Variants in MACF1 observed in about 807,000 individuals in gnomAD.
MACF1 encodes microtubule actin crosslinking factor 1.
In MACF1, 193 loss-of-function variants were observed where a neutral mutation model predicts 854.8. The observed-to-expected ratio is 0.23, with a 90% CI of 0.20 to 0.25. The LOEUF is 0.25. MACF1 is among the 10% of genes least tolerant of loss of function. The probability of loss-of-function intolerance (pLI) is 1.00; values close to 1 mark genes in which losing one functional copy is unlikely to be tolerated. For synonymous variants in MACF1, 3,185 were observed against 3,226.7 expected, an observed-to-expected ratio of 0.99 and a Z score of 0.44; for missense variants, 7,722 against 8,929.1, an observed-to-expected ratio of 0.86 and a Z score of 5.45.
chr1:39,411,941 A>G lies in MACF1; in HGVS notation c.15817-10433A>G, dbSNP rs1317749756. 1.4e-5 allele frequency: 23 copies of G among 1,613,784 alleles called. No homozygotes were observed. The Admixed American group carries it at 3.7e-4, about 26-fold the overall frequency. On this transcript the variant is annotated intron_variant, in intron 58 of 100. Transcript: ENST00000564288. ...GCTGTGGAACTTATTGCCCACGTTG[A>G]TATCATGAGAGACACTTCCACTGTT...
chr1:39,485,914 T>C lies in MACF1; in HGVS notation c.*120T>C. The C allele has an allele frequency of 9.0e-7, 1 of 1,116,406 alleles. No individual in the cohort carries two copies. The highest frequency in any genetic ancestry group is 1.2e-6 in the Non-Finnish European group (1 of 859,460). 69.2% of individuals were successfully genotyped at this position (1,116,406 alleles called of 1,614,324 possible). ...AAAGTGTAAAAGAATAATTGTGTTATGAAGCTGCCTTATTTTTTTTCTTTT... is the reference window on the plus strand; with the variant it reads ...AAAGTGTAAAAGAATAATTGTGTTACGAAGCTGCCTTATTTTTTTTCTTTT... On this transcript the variant is annotated 3_prime_UTR_variant, in exon 101 of 101. Coordinates refer to ENST00000564288, the MANE Select transcript of MACF1 (RefSeq NM_001394062.1).
chr1:39,161,287 T>C (rs987705898), intron 2 of MACF1, among the ~76,000 whole-genome samples: 1 of 151,988 alleles, frequency 6.6e-6, no homozygotes, highest in African/African-American at 2.4e-5. Context: ...CTGGGATAAG[T>C]AGGTAATTAG....
At chr1:39,484,139 C>T (rs1427368499) in intron 99 of MACF1, among the ~76,000 whole-genome samples, 3 of 152,240 alleles carry the variant, frequency 2.0e-5, no homozygotes, top group Non-Finnish European at 2.9e-5. Flanking sequence ...GGTGACAGAG[C>T]GAGACTCCGT....
chr1:39,214,142 AGTC>A (rs1346603376), intron 1 of MACF1, among the ~76,000 whole-genome samples: 4 of 152,132 alleles, frequency 2.6e-5, no homozygotes, highest in African/African-American at 9.7e-5. Context: ...AGCCTGAAGA[AGTC>A]GTTCTATTTA....
chr1:39,485,777 C>T lies in MACF1; in HGVS notation c.22651C>T (p.Pro7551Ser). ...KKTTTASPRTPGPKR is the reference protein window; with the variant it reads ...KKTTTASPRTSGPKR ...GACCACCACTGCCTCCCCCAGGACT[C>T]CAGGTCCCAAGCGATAACACTGTCT... Residue 7551 changes from proline to serine, a missense_variant, in exon 101 of 101, where the codon CCA becomes TCA. Coordinates refer to ENST00000564288, the MANE Select transcript of MACF1 (RefSeq NM_001394062.1). 6.2e-7 allele frequency: 1 copy of T among 1,605,558 alleles called. No individual in the cohort carries two copies. Among genetic ancestry groups the T allele is most frequent in the Non-Finnish European group, 8.5e-7 (1 of 1,174,330 alleles).
intron 68 of MACF1, 87 bp from the exon 69 acceptor site, chr1:39,434,327 C>G (rs1475218061): frequency 5.2e-6 from 3 of 574,570 alleles, no homozygotes; most frequent in Non-Finnish European, 8.8e-6. Flanking sequence ...TTCTTTTAGA[C>G]TTTTTAATGT....
In MACF1 at chr1:39,452,310, C is replaced by G; in HGVS notation, c.20573C>G (p.Ser6858Cys). 6.2e-7 allele frequency: 1 copy of G among 1,614,112 alleles called. No individual in the cohort carries two copies. Among genetic ancestry groups the G allele is most frequent in the Non-Finnish European group, 8.5e-7 (1 of 1,180,012 alleles). Reference sequence around the variant, plus strand: ...CGCTGGGACACTGTCTGTAAACTCTCTGTTTCCAAACAAAGCCGGCTTGAG... The same window carrying G: ...CGCTGGGACACTGTCTGTAAACTCTGTGTTTCCAAACAAAGCCGGCTTGAG... ...STRWDTVCKL[S>C]VSKQSRLEQA... The change falls in exon 86 of 101, where the codon TCT becomes TGT. Residue 6858 changes from serine to cysteine, a missense_variant. This residue lies in a region of MACF1 where 729 missense variants were observed against 900.5 expected (regional missense o/e 0.81). Transcript: ENST00000564288.
Position 39,105,381 on chromosome 1 carries a change from CGAGGGGT to C in MACF1, c.220+20948_220+20954del. The C allele has an allele frequency of 1.0e-6, 1 of 985,386 alleles. No individual in the cohort carries two copies. The highest frequency in any genetic ancestry group is 4.7e-5 in the South Asian group (1 of 21,460). 61.0% of individuals were successfully genotyped at this position (985,386 alleles called of 1,614,324 possible). On this transcript the variant is annotated intron_variant, in intron 2 of 93. Coordinates refer to the MACF1 transcript ENST00000361689. The surrounding 1 kb of genome is among the most constrained non-coding windows in gnomAD (Gnocchi z 5.9). ...GGGCGGGCTGAGGGAGGAGCGGAGC[CGAGGGGT>C]GAGGACGCGGAAACGCGAGCCGGGA...
intron 78 of MACF1, 131 bp downstream of exon 78, chr1:39,443,042 T>C: frequency 1.2e-6 from 1 of 853,730 alleles, no homozygotes; most frequent in Non-Finnish European, 1.8e-6. Context: ...AATACTGTGC[T>C]GTAACTTATC....
intron 58 of MACF1, chr1:39,411,410 T>C: frequency 6.2e-7 from 1 of 1,614,006 alleles, no homozygotes; most frequent in East Asian, 2.2e-5. Context: ...TTAGCTGCTG[T>C]CTTGAGGACT....
At chr1:39,189,661 C>A (rs1644220301) in intron 2 of MACF1, among the ~76,000 whole-genome samples, 1 of 152,090 alleles carries the variant, frequency 6.6e-6, no homozygotes, top group Non-Finnish European at 1.5e-5. Flanking sequence ...TCTTCTAGTC[C>A]CAGGTTATAT....
At chr1:39,112,977 C>T (rs929365136) in intron 2 of MACF1, among the ~76,000 whole-genome samples, 2 of 151,612 alleles carry the variant, frequency 1.3e-5, no homozygotes, top group Admixed American at 1.3e-4. Flanking sequence ...AGCAAGACCC[C>T]ATCTCAAAAA....
chr1:39,092,380 G>T (rs59732233), intron 2 of MACF1, among the ~76,000 whole-genome samples: 1 of 151,914 alleles, frequency 6.6e-6, no homozygotes, highest in Admixed American at 6.6e-5. Context: ...ACTGTGTAGA[G>T]TCCTAGATGG....
At chr1:39,477,999 ATT>A (rs36028217) in intron 97 of MACF1, among the ~76,000 whole-genome samples, 14 of 101,834 alleles carry the variant, frequency 1.4e-4, no homozygotes, top group Non-Finnish European at 1.4e-4. Context: ...TCAGAAGTGA[ATT>A]TTTTTTTTTT....
chr1:39,288,636 G>C (rs1645701862), intron 15 of MACF1, among the ~76,000 whole-genome samples: 1 of 151,166 alleles, frequency 6.6e-6, no homozygotes. Context: ...CCATCTGTAT[G>C]GAAAACTAAC....
chr1:39,484,360 T>C (rs182372452), intron 99 of MACF1, among the ~76,000 whole-genome samples: 1 of 152,228 alleles, frequency 6.6e-6, no homozygotes, highest in Admixed American at 6.5e-5. Flanking sequence ...TAGGGGAAAT[T>C]AGTAAAACAA....
rs1324386124 is a variant in MACF1, at chr1:39,319,758, C to G, written c.4029+11C>G. 1 of 1,582,366 alleles carries G rather than the reference C, an allele frequency of 6.3e-7. No homozygotes were observed. Among genetic ancestry groups the G allele is most frequent in the Non-Finnish European group, 8.7e-7 (1 of 1,153,936 alleles). ...TCTACTATTGTAAAGGTAACTTTAC[C>G]ACATCCCAAAAAGAACATGAATCAT... On this transcript the variant is annotated intron_variant, in intron 31 of 100. Coordinates refer to ENST00000564288, the MANE Select transcript of MACF1 (RefSeq NM_001394062.1).
At chr1:39,361,275 T>G in intron 48 of MACF1, 85 bp from the exon 49 acceptor site, 377 of 1,326,594 alleles carry the variant, frequency 2.8e-4, no homozygotes, top group Non-Finnish European at 3.6e-4. Context: ...GTCCCCCTTG[T>G]GAGATAGCAT....
At chr1:39,408,960 T>C (rs1687192) in intron 58 of MACF1, among the ~76,000 whole-genome samples, 2 of 136,046 alleles carry the variant, frequency 1.5e-5, no homozygotes, top group South Asian at 2.5e-4. Flanking sequence ...CCCGCCCTCG[T>C]CCTCCTTCCT....
Sources: gnomAD v4.1 joint callset for allele counts (sites outside exome capture counted in the v4.1 genomes callset) on GRCh38, gnomAD v4.1.1 for gene constraint, gnomAD v4.1.1 regional missense constraint, Gnocchi (gnomAD v3.1) non-coding constraint, MANE v1.5 for transcripts, NCBI Gene and HGNC (gene_info 2026-07-23, HGNC 2026-07-21) for gene names.